CRLF3: variants seen among roughly 807,000 people sequenced by gnomAD.
CRLF3 encodes cytokine receptor like factor 3.
A neutral mutation model predicts 55.0 loss-of-function variants in CRLF3; 33 were observed. That is an observed-to-expected ratio of 0.60 (90% CI 0.46 to 0.80). CRLF3 has a LOEUF of 0.80. Among genes scored for constraint, CRLF3 ranks in the 30% least tolerant of loss-of-function variants. The probability of loss-of-function intolerance (pLI) is 0.00; values close to 1 mark genes in which losing one functional copy is unlikely to be tolerated. For missense variants in CRLF3, 494 were observed against 538.4 expected (o/e 0.92, Z 0.82); for synonymous variants, 238 against 196.8 (o/e 1.21, Z -1.75).
intron 1 of CRLF3, among the ~76,000 whole-genome samples, chr17:30,809,373 A>T (rs1258931454): frequency 2.0e-5 from 3 of 152,156 alleles, no homozygotes; most frequent in Non-Finnish European, 4.4e-5. Context: ...AAGCCTAGTC[A>T]CCTTTAATCC....
chr17:30,796,355 A>G lies in CRLF3; in HGVS notation c.426-18T>C, dbSNP rs771411188. On this transcript the variant is annotated intron_variant, in intron 3 of 7. Coordinates refer to ENST00000324238, the MANE Select transcript of CRLF3 (RefSeq NM_015986.4). ...CTGGTAAGCTGAGGAAACAAAGCTC[A>G]TGTGTTATGAGACCTCTAACTGAGA... 103 of 1,597,986 alleles carry G rather than the reference A, an allele frequency of 6.4e-5. No individual in the cohort carries two copies. Among genetic ancestry groups the G allele is most frequent in the Non-Finnish European group, 8.6e-5 (101 of 1,169,990 alleles).
rs778842582 is a variant in CRLF3 at position 30,807,517 on chromosome 17, C to CTTTTTTTTTTT, written c.130-3420_130-3410dup. Among the ~76,000 whole-genome samples, 7 of 62,968 alleles carry CTTTTTTTTTTT rather than the reference C, an allele frequency of 1.1e-4. 1 individual carries two copies. The highest frequency in any genetic ancestry group is 1.4e-4 in the African/African-American group (2 of 14,508). 41.3% of individuals were successfully genotyped at this position (62,968 alleles called of 152,430 possible). Reference sequence around the variant, plus strand: ...CAGACCATAGAAACAATTTTCTTTCCTTTTTTTTTTTTTTTTTTTTTTTTT... The same window carrying CTTTTTTTTTTT: ...CAGACCATAGAAACAATTTTCTTTCCTTTTTTTTTTTTTTTTTTTTTTTTTTTTTTTTTTTT... On this transcript the variant is annotated intron_variant, in intron 1 of 7. Coordinates refer to ENST00000324238, the MANE Select transcript of CRLF3 (RefSeq NM_015986.4).
intron 1 of CRLF3, among the ~76,000 whole-genome samples, chr17:30,818,919 A>G (rs921525103): frequency 1.4e-4 from 21 of 151,020 alleles, no homozygotes; most frequent in African/African-American, 5.1e-4. Context: ...AGGTATAAGC[A>G]ATTCTCCTGC....
At chr17:30,800,178 CCT>C (rs1189263370) in intron 2 of CRLF3, among the ~76,000 whole-genome samples, 1 of 152,198 alleles carries the variant, frequency 6.6e-6, no homozygotes, top group Admixed American at 6.6e-5. Flanking sequence ...TTCCCTAGCT[CCT>C]TTTTCCTCAA....
intron 1 of CRLF3, among the ~76,000 whole-genome samples, chr17:30,817,200 G>A (rs1431890372): frequency 2.0e-5 from 3 of 152,126 alleles, no homozygotes; most frequent in African/African-American, 7.2e-5. Flanking sequence ...CACTTTTTGA[G>A]GCCGAGGTGG....
At chr17:30,786,241 GCT>G (rs772790946) in intron 6 of CRLF3, 76 of 424,912 alleles carry the variant, frequency 1.8e-4, no homozygotes, top group Admixed American at 2.1e-4. Flanking sequence ...TGAGGTAGGT[GCT>G]TTTTCTTTTT....
intron 7 of CRLF3, chr17:30,784,758 A>ATTTT: frequency 5.5e-6 from 1 of 182,716 alleles, no homozygotes; most frequent in Non-Finnish European, 1.1e-5. Context: ...CACCAACACA[A>ATTTT]TTTTTTTTTT....
At chr17:30,808,738 A>G (rs1007821402) in intron 1 of CRLF3, among the ~76,000 whole-genome samples, 3 of 151,708 alleles carry the variant, frequency 2.0e-5, no homozygotes, top group South Asian at 2.1e-4. Context: ...GATTACAGGC[A>G]TGCGCCACCA....
chr17:30,796,370 T>C, intron 3 of CRLF3, 33 bp from the exon 4 acceptor site: 2 of 1,520,576 alleles, frequency 1.3e-6, no homozygotes, highest in South Asian at 1.3e-5. Flanking sequence ...TTATGAGACC[T>C]CTAACTGAGA....
intron 6 of CRLF3, 50 bp from the exon 7 acceptor site, chr17:30,786,081 A>G (rs112657536): frequency 1.8e-5 from 18 of 1,002,086 alleles, no homozygotes; most frequent in African/African-American, 1.4e-4. Flanking sequence ...ATATAACATG[A>G]ATGATACTTA....
intron 6 of CRLF3, among the ~76,000 whole-genome samples, chr17:30,791,722 T>C (rs1039358609): frequency 1.4e-5 from 2 of 146,746 alleles, no homozygotes; most frequent in Admixed American, 6.8e-5. Context: ...TTCACCATGT[T>C]AGCCAGGATG....
At chr17:30,794,642 T>C (rs1005120068) in intron 4 of CRLF3, among the ~76,000 whole-genome samples, 9 of 151,868 alleles carry the variant, frequency 5.9e-5, no homozygotes, top group Non-Finnish European at 1.0e-4. Flanking sequence ...TACAAAAAAT[T>C]ACAAAACTTA....
chr17:30,823,557 G>A (rs765728114), intron 1 of CRLF3, among the ~76,000 whole-genome samples: 2 of 151,014 alleles, frequency 1.3e-5, no homozygotes, highest in Non-Finnish European at 2.9e-5. Context: ...TTAATATCAA[G>A]TATGACCCAG....
At chr17:30,815,951 T>C (rs189255849) in intron 1 of CRLF3, among the ~76,000 whole-genome samples, 140 of 150,132 alleles carry the variant, frequency 9.3e-4, no homozygotes, top group African/African-American at 3.2e-3. Context: ...TTCTGTACAT[T>C]GGTGTTGTTC....
rs757550550 is a variant in CRLF3, at chr17:30,792,745, A to AAG, written c.827-174_827-173insCT. The AAG allele has an allele frequency of 4.6e-4, 234 of 507,508 alleles. No individual in the cohort carries two copies. In the Middle Eastern group the frequency reaches 4.6e-3, roughly 10 times the overall value. The allele number at this position is 507,508 out of a possible 1,614,324, so 31.4% of individuals were successfully genotyped here. A position where few individuals can be genotyped will look rare whatever the true frequency, so the allele number is the denominator to read the frequency against. On this transcript the variant is annotated intron_variant, in intron 5 of 7. Transcript: ENST00000324238. ...ATCATGATCAGTCCCACAAATTACA[A>AAG]AAGATTTTAGTATATTCCTGCATAA... is the stretch of plus-strand genomic sequence containing the variant.
intron 1 of CRLF3, among the ~76,000 whole-genome samples, chr17:30,819,500 T>TG (rs1209223825): frequency 6.6e-6 from 1 of 152,096 alleles, no homozygotes; most frequent in Non-Finnish European, 1.5e-5. Flanking sequence ...GTTTTTGAGA[T>TG]GGAGTCTCGC....
intron 4 of CRLF3, among the ~76,000 whole-genome samples, chr17:30,794,591 A>T (rs866922926): frequency 6.6e-6 from 1 of 152,176 alleles, no homozygotes; most frequent in African/African-American, 2.4e-5. Flanking sequence ...TGAGCCCAGG[A>T]ATTTGAGGCC....
At chr17:30,786,224 C>G (rs935611880) in intron 6 of CRLF3, 193 bp from the exon 7 acceptor site, 5 of 469,104 alleles carry the variant, frequency 1.1e-5, no homozygotes, top group African/African-American at 8.1e-5. Context: ...ATTCTTACAA[C>G]AATCTATGAG....
intron 5 of CRLF3, 98 bp downstream of exon 5, chr17:30,793,352 G>A: frequency 1.2e-6 from 1 of 841,912 alleles, no homozygotes; most frequent in Non-Finnish European, 1.9e-6. Flanking sequence ...CAGGATCTAT[G>A]CTTAGAATAG....
Sources: gnomAD v4.1 joint callset for allele counts (sites outside exome capture counted in the v4.1 genomes callset) on GRCh38, gnomAD v4.1.1 for gene constraint, MANE v1.5 for transcripts, NCBI Gene and HGNC (gene_info 2026-07-23, HGNC 2026-07-21) for gene names.